CCSER1: variants seen among roughly 807,000 people sequenced by gnomAD.
The protein encoded by CCSER1 is coiled-coil serine rich protein 1.
A neutral mutation model predicts 82.0 loss-of-function variants in CCSER1; 41 were observed. That is an observed-to-expected ratio of 0.50 (90% CI 0.39 to 0.65). The LOEUF is 0.65. Among genes scored for constraint, CCSER1 ranks in the 30% least tolerant of loss-of-function variants. The pLI, the probability that CCSER1 is intolerant of heterozygous loss-of-function variation, is 0.00. For synonymous variants in CCSER1, 414 were observed against 383.9 expected (o/e 1.08, Z -0.92); for missense variants, 1,119 against 1,064.2 (o/e 1.05, Z -0.72).
Position 90,468,253 on chromosome 4 carries a change from T to A in CCSER1, c.1623T>A (p.Tyr541Ter), listed in dbSNP as rs1450378095. Residue 541 changes from tyrosine (Y) to a stop codon, truncating the protein, a stop_gained, in exon 5 of 11, where the codon TAT becomes TAA. Transcript: ENST00000509176. LOFTEE classifies it high-confidence loss of function. ...LHPSVCREDS[Y>*]HSVVSCAAVV... ...GAACAGTTTGCCGGGAGGACTCATA[T>A]CACTCTGTCGTCTCATGTGCCGCAG... is the stretch of plus-strand genomic sequence containing the variant. The A allele has an allele frequency of 6.2e-7, 1 of 1,602,990 alleles. No homozygotes were observed. Among genetic ancestry groups the A allele is most frequent in the East Asian group, 2.2e-5 (1 of 44,638 alleles).
intron 5 of CCSER1, among the ~76,000 whole-genome samples, chr4:90,479,564 C>T (rs1765611179): frequency 6.6e-6 from 1 of 150,656 alleles, no homozygotes; most frequent in South Asian, 2.1e-4. Flanking sequence ...GAGTAATGTT[C>T]CCCTTCCTCT....
At chr4:90,464,793 A>G (rs1407801543) in intron 4 of CCSER1, among the ~76,000 whole-genome samples, 1 of 152,238 alleles carries the variant, frequency 6.6e-6, no homozygotes, top group Non-Finnish European at 1.5e-5. Context: ...TTTTTATATT[A>G]CATTATAATT....
intron 7 of CCSER1, among the ~76,000 whole-genome samples, chr4:90,747,592 C>A (rs1219077545): frequency 6.6e-6 from 1 of 150,984 alleles, no homozygotes; most frequent in Non-Finnish European, 1.5e-5. Flanking sequence ...TTCTCTTTCT[C>A]GGTTTTGCCT....
chr4:90,248,890 G>T (rs1297066499), intron 1 of CCSER1, among the ~76,000 whole-genome samples: 1 of 151,786 alleles, frequency 6.6e-6, no homozygotes, highest in East Asian at 1.9e-4. Context: ...TGTAGAGACA[G>T]GGTTTCACCA....
chr4:91,369,660 GCTTT>G (rs1749880345), intron 10 of CCSER1, among the ~76,000 whole-genome samples: 1 of 121,316 alleles, frequency 8.2e-6, no homozygotes, highest in African/African-American at 3.1e-5. Flanking sequence ...TTAATCTGTA[GCTTT>G]TTTTTTTTTT....
intron 1 of CCSER1, among the ~76,000 whole-genome samples, chr4:90,227,662 C>T (rs1033692991): frequency 1.3e-4 from 20 of 152,160 alleles, no homozygotes; most frequent in Admixed American, 2.0e-4. Context: ...CAGCTCCCAG[C>T]GTGAGCGACG....
At chr4:90,585,131 TACAACA>T in intron 5 of CCSER1, among the ~76,000 whole-genome samples, 1 of 152,306 alleles carries the variant, frequency 6.6e-6, no homozygotes, top group East Asian at 1.9e-4. Context: ...AAAGATACTT[TACAACA>T]TTTGTCATCA....
At chr4:91,417,646 A>T (rs547610579) in intron 10 of CCSER1, among the ~76,000 whole-genome samples, 10 of 152,014 alleles carry the variant, frequency 6.6e-5, no homozygotes, top group Non-Finnish European at 1.3e-4. Flanking sequence ...AATGATAAGA[A>T]CACATAGATA....
intron 1 of CCSER1, among the ~76,000 whole-genome samples, chr4:90,282,887 A>G (rs997551829): frequency 6.6e-6 from 1 of 151,922 alleles, no homozygotes; most frequent in African/African-American, 2.4e-5. Context: ...GATCCGTTTG[A>G]TGCTGATGAG....
intron 5 of CCSER1, among the ~76,000 whole-genome samples, chr4:90,526,357 C>T (rs1773757344): frequency 6.6e-6 from 1 of 152,140 alleles, no homozygotes; most frequent in Non-Finnish European, 1.5e-5. Flanking sequence ...CATGATTTAA[C>T]TGCCATGAGC....
chr4:90,550,543 T>C (rs1189849770), intron 5 of CCSER1, among the ~76,000 whole-genome samples: 1 of 152,042 alleles, frequency 6.6e-6, no homozygotes, highest in Non-Finnish European at 1.5e-5. Flanking sequence ...CACAAATTAA[T>C]ATAGAAAAAT....
chr4:91,582,735 A>G (rs1225578633), intron 10 of CCSER1, among the ~76,000 whole-genome samples: 2 of 151,442 alleles, frequency 1.3e-5, no homozygotes, highest in South Asian at 2.1e-4. Flanking sequence ...CTGTCTATCA[A>G]TCAATCAATC....
chr4:91,105,392 C>A (rs751014431), intron 10 of CCSER1, among the ~76,000 whole-genome samples: 1 of 131,792 alleles, frequency 7.6e-6, no homozygotes, highest in Non-Finnish European at 1.6e-5. Context: ...CAAATTCCAA[C>A]CACTAACAGT....
At chr4:90,560,650 C>T (rs1195172144) in intron 5 of CCSER1, among the ~76,000 whole-genome samples, 1 of 152,054 alleles carries the variant, frequency 6.6e-6, no homozygotes, top group Non-Finnish European at 1.5e-5. Context: ...TTAAAAATTA[C>T]TCATCTATTA....
chr4:90,441,004 T>C (rs557741608), intron 4 of CCSER1, among the ~76,000 whole-genome samples: 1 of 151,894 alleles, frequency 6.6e-6, no homozygotes, highest in African/African-American at 2.4e-5. Flanking sequence ...CAGTGCAAGG[T>C]AATGAATGCA....
rs187841205 is a variant in CCSER1 at position 91,399,972 on chromosome 4, C to T, written c.2218-198600C>T. 2.7e-3 allele frequency among the ~76,000 whole-genome samples: 403 copies of T among 152,030 alleles called. 1 individual carries two copies. Among genetic ancestry groups the T allele is most frequent in the Middle Eastern group, 6.8e-3 (2 of 294 alleles). ...TGTAGAATAGTTCTAAAGTCTGTAT[C>T]ATTTCCATTCTTCTCTCAGTCTGAT... On this transcript the variant is annotated intron_variant, in intron 10 of 10. Coordinates refer to ENST00000509176, the MANE Select transcript of CCSER1 (RefSeq NM_001145065.2).
chr4:91,185,687 A>G (rs974277385), intron 10 of CCSER1, among the ~76,000 whole-genome samples: 18 of 152,304 alleles, frequency 1.2e-4, no homozygotes, highest in African/African-American at 2.4e-4. Context: ...GATTAGCCCA[A>G]TGTTTTCCTT....
chr4:91,535,439 G>GA (rs1347835388), intron 10 of CCSER1, among the ~76,000 whole-genome samples: 1 of 75,108 alleles, frequency 1.3e-5, no homozygotes, highest in African/African-American at 8.9e-5. Context: ...ATGAGGTGAG[G>GA]AGACGGAATA....
At chr4:90,260,247 C>T (rs935974771) in intron 1 of CCSER1, among the ~76,000 whole-genome samples, 3 of 152,080 alleles carry the variant, frequency 2.0e-5, no homozygotes, top group Non-Finnish European at 2.9e-5. Flanking sequence ...CTAGTTTGTG[C>T]ATGTAAAGGT....
Sources: allele counts gnomAD v4.1 joint callset (sites outside exome capture counted in the v4.1 genomes callset), GRCh38; gene constraint gnomAD v4.1.1; transcripts MANE v1.5; gene names NCBI Gene and HGNC (gene_info 2026-07-23, HGNC 2026-07-21).